DCAF6: variants seen among roughly 807,000 people sequenced by gnomAD.
The protein encoded by DCAF6 is DDB1- and CUL4-associated factor 6.
In DCAF6, 54 loss-of-function variants were observed where a neutral mutation model predicts 125.1. That is an observed-to-expected ratio of 0.43 (90% confidence interval 0.35 to 0.54). The LOEUF (loss-of-function observed/expected upper bound fraction) is 0.54, where lower values mean the gene tolerates loss of function less well. Ranked by LOEUF, DCAF6 falls within the 20% of genes least tolerant of loss-of-function variation. DCAF6 has a pLI of 0.01. For missense variants in DCAF6, 934 were observed against 1,161.7 expected (o/e 0.80, Z 2.85); for synonymous variants, 371 against 390.4 (o/e 0.95, Z 0.58).
At chr1:167,992,302 A>G (rs1260023631) in intron 6 of DCAF6, among the ~76,000 whole-genome samples, 4 of 137,646 alleles carry the variant, frequency 2.9e-5, no homozygotes, top group Admixed American at 8.2e-5. Context: ...ATGCACATTC[A>G]TATATTCACA....
chr1:167,984,016 A>G (rs1679581505), intron 4 of DCAF6, among the ~76,000 whole-genome samples: 1 of 152,194 alleles, frequency 6.6e-6, no homozygotes, highest in Admixed American at 6.5e-5. Flanking sequence ...TACAACTACC[A>G]TAGTCGCAAG....
chr1:167,905,040 G>GGTCGC, the DCAF6 span: 2 of 1,614,132 alleles, frequency 1.2e-6, no homozygotes. Flanking sequence ...ATCCATAAAG[G>GGTCGC]GTCGCTCTGG....
At chr1:168,009,835 A>C (rs571611255) in intron 10 of DCAF6, among the ~76,000 whole-genome samples, 5 of 115,826 alleles carry the variant, frequency 4.3e-5, no homozygotes, top group African/African-American at 1.7e-4. Flanking sequence ...AATTATAAAA[A>C]TTTATAATTT....
At chr1:168,033,035 C>G (rs562321258) in intron 12 of DCAF6, among the ~76,000 whole-genome samples, 45 of 151,874 alleles carry the variant, frequency 3.0e-4, no homozygotes, top group Non-Finnish European at 5.9e-4. Context: ...ATGGTTATCA[C>G]ATGTGTTTTT....
intron 17 of DCAF6, among the ~76,000 whole-genome samples, chr1:168,053,689 GGGTGTTTACTGGGGTCTGGTCAT>G (rs1450166447): frequency 5.9e-5 from 9 of 152,166 alleles, no homozygotes; most frequent in African/African-American, 2.2e-4. Context: ...TCAAAATCCA[GGGTGTTTACTGGGGTCTGGTCAT>G]GTAGGCACCT....
At position 167,987,592 on chromosome 1, in the gene DCAF6, A is replaced by G. The variant is rs774615994; in HGVS notation, c.536A>G (p.Lys179Arg). 5.7e-6 allele frequency: 9 copies of G among 1,576,888 alleles called. No individual in the cohort carries two copies. In the African/African-American group the frequency reaches 8.1e-5, roughly 14 times the overall value. ...ACACGCATCAAAACTAGCTGCACAA[A>G]AGAAGATTGTAAAGATGTAAGAATT... Reference protein sequence around the residue: ...FDTRIKTSCTKEDCKDDILIN... With the variant: ...FDTRIKTSCTREDCKDDILIN... The change falls in exon 5 of 22, where the codon AAA (lysine) becomes AGA (arginine). Residue 179 changes from lysine to arginine, a missense_variant. Lys to Arg is a conservative substitution (Grantham distance 26, BLOSUM62 2). Transcript: ENST00000367840.
At chr1:168,037,940 C>A (rs1168767417) in intron 12 of DCAF6, among the ~76,000 whole-genome samples, 1 of 152,136 alleles carries the variant, frequency 6.6e-6, no homozygotes, top group Admixed American at 6.6e-5. Flanking sequence ...TTTGCCAAAC[C>A]GCTTTTCACA....
At chr1:167,972,002 T>G (rs1677393486) in intron 3 of DCAF6, among the ~76,000 whole-genome samples, 1 of 152,086 alleles carries the variant, frequency 6.6e-6, no homozygotes, top group Non-Finnish European at 1.5e-5. Flanking sequence ...ACTACAGGGA[T>G]GCGCCACCAT....
intron 20 of DCAF6, among the ~76,000 whole-genome samples, chr1:168,067,293 A>G (rs1692460479): frequency 6.6e-6 from 1 of 152,206 alleles, no homozygotes. Flanking sequence ...TGTAAAAAAG[A>G]TAAGGCCCTA....
chr1:167,883,627 A>G, the DCAF6 span: 20 of 1,614,162 alleles, frequency 1.2e-5, no homozygotes, highest in South Asian at 1.4e-4. Flanking sequence ...TTTGTTATCA[A>G]TCTGCAAAGT....
At chr1:167,947,671 G>A (rs1474773693) in intron 1 of DCAF6, among the ~76,000 whole-genome samples, 1 of 151,908 alleles carries the variant, frequency 6.6e-6, no homozygotes, top group African/African-American at 2.4e-5. Flanking sequence ...GTATTTGTAA[G>A]GTTTGTAAAT....
the DCAF6 span, among the ~76,000 whole-genome samples, chr1:167,905,488 A>C: frequency 6.6e-6 from 1 of 152,150 alleles, no homozygotes; most frequent in South Asian, 2.1e-4. Flanking sequence ...GGGCAAGTCC[A>C]GTTGTAGTGG....
At chr1:167,921,233 T>G in the DCAF6 span, among the ~76,000 whole-genome samples, 12 of 151,946 alleles carry the variant, frequency 7.9e-5, no homozygotes, top group African/African-American at 2.9e-4. Flanking sequence ...TTAGATCATT[T>G]TTTTTTTTTT....
chr1:167,920,738 T>C, the DCAF6 span: 1 of 1,125,156 alleles, frequency 8.9e-7, no homozygotes, highest in South Asian at 1.8e-5. Flanking sequence ...AGTTAGCAGC[T>C]ATAATTTTAG....
the DCAF6 span, among the ~76,000 whole-genome samples, chr1:167,915,933 T>C: frequency 6.6e-6 from 1 of 152,028 alleles, no homozygotes; most frequent in Non-Finnish European, 1.5e-5. Flanking sequence ...TGTGGCAGAG[T>C]TGAGTTGAAA....
chr1:167,980,198 A>T (rs1296172450), intron 4 of DCAF6, among the ~76,000 whole-genome samples: 1 of 152,160 alleles, frequency 6.6e-6, no homozygotes, highest in African/African-American at 2.4e-5. Flanking sequence ...ATAAATAAAT[A>T]AGTAAATAAA....
chr1:168,027,764 T>G (rs1005808963), intron 12 of DCAF6, among the ~76,000 whole-genome samples: 6 of 152,128 alleles, frequency 3.9e-5, no homozygotes, highest in African/African-American at 1.4e-4. Context: ...TTTGAATAAC[T>G]GTATACACAG....
chr1:167,901,436 A>G, the DCAF6 span, among the ~76,000 whole-genome samples: 1 of 152,144 alleles, frequency 6.6e-6, no homozygotes, highest in Non-Finnish European at 1.5e-5. Flanking sequence ...CAACTAATTT[A>G]CTTTTTGTAA....
the DCAF6 span, chr1:167,875,335 A>G: frequency 1.3e-6 from 1 of 761,280 alleles, no homozygotes; most frequent in Non-Finnish European, 2.3e-6. Flanking sequence ...ACGCCAAAAG[A>G]AGGAGAAACG....
Sources: allele counts gnomAD v4.1 joint callset (sites outside exome capture counted in the v4.1 genomes callset), GRCh38; gene constraint gnomAD v4.1.1; transcripts MANE v1.5; gene names NCBI Gene and HGNC (gene_info 2026-07-23, HGNC 2026-07-21).